The following DMD variants were observed in gnomAD, a reference collection of about 807,000 sequenced individuals.
The protein encoded by DMD is mutant dystrophin.
A neutral mutation model predicts 330.1 loss-of-function variants in DMD; 63 were observed. That is an observed-to-expected ratio of 0.19 (90% CI 0.16 to 0.24). The LOEUF (loss-of-function observed/expected upper bound fraction) is 0.24. Ranked by LOEUF, DMD falls within the 10% of genes least tolerant of loss-of-function variation. The pLI is 1.00. For missense variants in DMD, 3,344 were observed against 2,684.1 expected (o/e 1.25, Z -5.43); for synonymous variants, 1,223 against 959.8 (o/e 1.27, Z -5.07).
chrX:32,940,917 C>A (rs891417088), intron 2 of DMD, among the ~76,000 whole-genome samples: 10 of 111,063 alleles, frequency 9.0e-5, no homozygotes, highest in Admixed American at 2.9e-4. Flanking sequence ...CACAAAGGTT[C>A]AATATCTAGA....
chrX:32,682,747 T>C (rs1393924042), intron 9 of DMD, among the ~76,000 whole-genome samples: 2 of 112,130 alleles, frequency 1.8e-5, no homozygotes, highest in Non-Finnish European at 3.8e-5. Flanking sequence ...TTGAGACATG[T>C]AATACGAATA....
At chrX:32,167,350 T>C (rs1297640657) in intron 44 of DMD, among the ~76,000 whole-genome samples, 2 of 112,202 alleles carry the variant, frequency 1.8e-5, no homozygotes, top group Admixed American at 9.5e-5. Context: ...AATGTGGGCC[T>C]TGAAGTCAAG....
At chrX:31,271,779 C>CA (rs998985976) in intron 62 of DMD, among the ~76,000 whole-genome samples, 6 of 111,777 alleles carry the variant, frequency 5.4e-5, no homozygotes, top group Admixed American at 1.9e-4. Context: ...TTGCATAGTA[C>CA]AAGTACTAAC....
At chrX:31,182,023 A>G (rs1344547904) in intron 68 of DMD, among the ~76,000 whole-genome samples, 1 of 112,487 alleles carries the variant, frequency 8.9e-6, no homozygotes, top group Non-Finnish European at 1.9e-5. Flanking sequence ...CTAAAGATTT[A>G]TTTGGCCTTG....
chrX:32,359,506 A>C (rs925744489), intron 37 of DMD, among the ~76,000 whole-genome samples: 1 of 111,392 alleles, frequency 9.0e-6, no homozygotes. Context: ...ACCATAGAAA[A>C]GCCATATTCT....
chrX:33,242,073 A>G (rs1350305029), intron 1 of DMD, among the ~76,000 whole-genome samples: 1 of 111,740 alleles, frequency 8.9e-6, no homozygotes. Flanking sequence ...GTTCCTAAGT[A>G]TTTTTTGTAG....
In DMD at chrX:32,171,684, T is replaced by C. The variant is rs2096888189; in HGVS notation, c.6438+45232A>G. Reference sequence around the variant, plus strand: ...GAAAAATAAAGAAAGTATGTGAAGATAATCATATTCAATAGTTATTATATT... The same window carrying C: ...GAAAAATAAAGAAAGTATGTGAAGACAATCATATTCAATAGTTATTATATT... On this transcript the variant is annotated intron_variant, in intron 44 of 78. Coordinates refer to ENST00000357033, the MANE Select transcript of DMD (RefSeq NM_004006.3). Among the ~76,000 whole-genome samples, 7 of 111,853 alleles carry C rather than the reference T, an allele frequency of 6.3e-5. No homozygotes were observed. In the South Asian group the frequency reaches 2.6e-3, roughly 42 times the overall value.
intron 44 of DMD, among the ~76,000 whole-genome samples, chrX:32,095,262 CT>C (rs1403850177): frequency 2.2e-4 from 25 of 111,974 alleles, no homozygotes; most frequent in Admixed American, 1.6e-3. Flanking sequence ...TACCTTTTCA[CT>C]TTGTGAAAAT....
intron 55 of DMD, among the ~76,000 whole-genome samples, chrX:31,621,090 G>A (rs971412840): frequency 9.0e-6 from 1 of 111,461 alleles, no homozygotes; most frequent in Non-Finnish European, 1.9e-5. Context: ...AATCAAACAC[G>A]TTCTTGACTT....
chrX:31,301,773 G>GT (rs1177037308), intron 62 of DMD, among the ~76,000 whole-genome samples: 1 of 110,981 alleles, frequency 9.0e-6, no homozygotes, highest in Non-Finnish European at 1.9e-5. Context: ...TTGTTTGTTT[G>GT]TTGTTGTTGT....
chrX:31,421,936 C>CATATATATAT (rs1223875211), intron 60 of DMD, among the ~76,000 whole-genome samples: 1 of 55,773 alleles, frequency 1.8e-5, no homozygotes, highest in South Asian at 7.9e-4. Flanking sequence ...TATATATACA[C>CATATATATAT]ACACACATAT....
chrX:33,164,548 G>A (rs748802163), intron 1 of DMD, among the ~76,000 whole-genome samples: 10 of 112,090 alleles, frequency 8.9e-5, no homozygotes, highest in African/African-American at 2.3e-4. Flanking sequence ...TATTGAAGAA[G>A]AATCGTGTGT....
At chrX:32,783,330 C>T (rs865995902) in intron 7 of DMD, among the ~76,000 whole-genome samples, 1 of 101,190 alleles carries the variant, frequency 9.9e-6, no homozygotes, top group African/African-American at 3.6e-5. Flanking sequence ...TATATACACA[C>T]ATATATATAC....
At chrX:32,747,513 C>A (rs1366746428) in intron 7 of DMD, among the ~76,000 whole-genome samples, 1 of 111,765 alleles carries the variant, frequency 8.9e-6, no homozygotes, top group Non-Finnish European at 1.9e-5. Flanking sequence ...CAAGATCTCA[C>A]TCTGTTGTCC....
Position 31,365,288 on chromosome X carries a change from C to T in DMD, c.9085-16654G>A, listed in dbSNP as rs73468304. Among the ~76,000 whole-genome samples the T allele has an allele frequency of 2.0e-3, 226 of 110,816 alleles. 1 individual carries two copies. Among genetic ancestry groups the T allele is most frequent in the African/African-American group, 7.1e-3 (215 of 30,475 alleles). On this transcript the variant is annotated intron_variant, in intron 60 of 78. Transcript: ENST00000357033. ...GAGTATGCTATTTGATTTGAACCAA[C>T]CTCTCAGGGTCAATAATATTTCAGT...
chrX:31,927,308 A>G (rs1243969819), intron 47 of DMD, among the ~76,000 whole-genome samples: 1 of 112,266 alleles, frequency 8.9e-6, no homozygotes, highest in Non-Finnish European at 1.9e-5. Context: ...TTAATTTTCT[A>G]TCATAAAAAT....
intron 1 of DMD, among the ~76,000 whole-genome samples, chrX:33,249,926 T>A (rs984104537): frequency 9.1e-6 from 1 of 109,884 alleles, no homozygotes; most frequent in Non-Finnish European, 1.9e-5. Context: ...GACATTTTTA[T>A]TAAATTTATT....
chrX:32,811,178 TAA>T (rs751834619), intron 6 of DMD, among the ~76,000 whole-genome samples: 8 of 86,471 alleles, frequency 9.3e-5, no homozygotes, highest in African/African-American at 8.4e-5. Context: ...TACAACTTAT[TAA>T]AAAAAAAAAA....
At chrX:31,236,896 A>G (rs1321264296) in intron 63 of DMD, among the ~76,000 whole-genome samples, 1 of 112,019 alleles carries the variant, frequency 8.9e-6, no homozygotes, top group Non-Finnish European at 1.9e-5. Flanking sequence ...AGTCAAATTA[A>G]GATTCTTCTC....
Sources: allele counts gnomAD v4.1 joint callset (sites outside exome capture counted in the v4.1 genomes callset), GRCh38; gene constraint gnomAD v4.1.1; transcripts MANE v1.5; gene names NCBI Gene and HGNC (gene_info 2026-07-23, HGNC 2026-07-21).